Variants in STX8 observed in about 807,000 individuals in gnomAD.
The protein encoded by STX8 is syntaxin 8, also known as syntaxin-8.
In STX8, 23 loss-of-function variants were observed where a neutral mutation model predicts 37.5. The observed-to-expected ratio is 0.61, with a 90% CI of 0.44 to 0.87. The LOEUF (loss-of-function observed/expected upper bound fraction) is 0.87. Among genes scored for constraint, STX8 ranks in the 40% least tolerant of loss-of-function variants. The pLI, the probability that STX8 is intolerant of heterozygous loss-of-function variation, is 0.00. For missense variants in STX8, 313 were observed against 284.7 expected (o/e 1.10, Z -0.71); for synonymous variants, 115 against 99.1 (o/e 1.16, Z -0.95).
chr17:9,535,465 C>T (rs1026170711), intron 4 of STX8, among the ~76,000 whole-genome samples: 7 of 66,940 alleles, frequency 1.0e-4, no homozygotes, highest in Non-Finnish European at 1.4e-4. Context: ...CGGAGTCTTG[C>T]TCTGTCACCC....
intron 7 of STX8, among the ~76,000 whole-genome samples, chr17:9,350,202 G>C (rs1910661313): frequency 6.7e-6 from 1 of 150,362 alleles, no homozygotes; most frequent in South Asian, 2.1e-4. Flanking sequence ...TATACAGCGT[G>C]GATACGCTGG....
intron 7 of STX8, among the ~76,000 whole-genome samples, chr17:9,335,813 T>A (rs7215083): frequency 0.81 from 118,076 of 146,270 alleles, 49,283 homozygotes; most frequent in East Asian, 0.92. Flanking sequence ...TCTCTCTCTC[T>A]CACACACACA....
At chr17:9,399,573 A>G (rs1198403509) in intron 6 of STX8, among the ~76,000 whole-genome samples, 4 of 152,158 alleles carry the variant, frequency 2.6e-5, no homozygotes, top group Non-Finnish European at 4.4e-5. Flanking sequence ...TTTGTTCGAA[A>G]GATGAGATCC....
intron 5 of STX8, among the ~76,000 whole-genome samples, chr17:9,502,436 G>A (rs1362079570): frequency 1.3e-5 from 2 of 152,158 alleles, no homozygotes; most frequent in Admixed American, 6.6e-5. Flanking sequence ...TAGATTTTAA[G>A]TGTTCTCACC....
intron 7 of STX8, among the ~76,000 whole-genome samples, chr17:9,253,204 A>AGGGG (rs770999814): frequency 1.9e-5 from 1 of 53,216 alleles, no homozygotes; most frequent in Non-Finnish European, 5.3e-5. Flanking sequence ...AGGCAGGGGT[A>AGGGG]GGGGTGTGTG....
At chr17:9,418,505 T>C (rs997050658) in intron 6 of STX8, among the ~76,000 whole-genome samples, 2 of 143,318 alleles carry the variant, frequency 1.4e-5, no homozygotes, top group East Asian at 2.1e-4. Flanking sequence ...ACCATGTTCT[T>C]TCCGTTTTTC....
At chr17:9,337,311 ATAGAGG>A (rs1910169992) in intron 7 of STX8, among the ~76,000 whole-genome samples, 1 of 152,012 alleles carries the variant, frequency 6.6e-6, no homozygotes, top group Non-Finnish European at 1.5e-5. Context: ...CCATACTGGG[ATAGAGG>A]ATGAGCCAAG....
chr17:9,286,465 C>T (rs1908075118), intron 7 of STX8, among the ~76,000 whole-genome samples: 1 of 152,094 alleles, frequency 6.6e-6, no homozygotes, highest in Admixed American at 6.6e-5. Flanking sequence ...ACAAACGGTT[C>T]TTTTTCATTT....
At chr17:9,501,004 AAAAAT>A (rs774986859) in intron 5 of STX8, among the ~76,000 whole-genome samples, 7 of 152,128 alleles carry the variant, frequency 4.6e-5, no homozygotes, top group Non-Finnish European at 8.8e-5. Context: ...GACTGTCTCA[AAAAAT>A]AAAATAAAAT....
At chr17:9,429,312 T>C (rs1217401737) in intron 6 of STX8, among the ~76,000 whole-genome samples, 1 of 146,576 alleles carries the variant, frequency 6.8e-6, no homozygotes, top group Admixed American at 6.9e-5. Context: ...ACATTATTTA[T>C]ATATTTTTAT....
At chr17:9,485,415 T>C (rs2142463107) in intron 6 of STX8, among the ~76,000 whole-genome samples, 1 of 152,260 alleles carries the variant, frequency 6.6e-6, no homozygotes, top group South Asian at 2.1e-4. Flanking sequence ...TACACATACC[T>C]ATTCTGCTTC....
rs1002356411 is a variant in STX8, at chr17:9,441,209, C to T, written c.541+50620G>A. On this transcript the variant is annotated intron_variant, in intron 6 of 7. Coordinates refer to ENST00000306357, the MANE Select transcript of STX8 (RefSeq NM_004853.3). Reference sequence around the variant, plus strand: ...GGACCTTTAGAAATTTAGTCAAATACGGCTGGGCACGGTGGCTCACACCTG... The same window carrying T: ...GGACCTTTAGAAATTTAGTCAAATATGGCTGGGCACGGTGGCTCACACCTG... 3.3e-5 allele frequency among the ~76,000 whole-genome samples: 5 copies of T among 151,900 alleles called. No individual in the cohort carries two copies. The South Asian group carries it at 8.3e-4, about 25-fold the overall frequency.
At chr17:9,569,977 C>T (rs927795343) in intron 1 of STX8, 2 of 152,136 alleles carry the variant, frequency 1.3e-5, no homozygotes, top group Admixed American at 6.6e-5. Flanking sequence ...AACGAAAATA[C>T]TTAAGCATGC....
chr17:9,523,737 T>C (rs970994010), intron 4 of STX8, among the ~76,000 whole-genome samples: 3 of 152,198 alleles, frequency 2.0e-5, no homozygotes, highest in Non-Finnish European at 4.4e-5. Context: ...ATTCAACCAA[T>C]TGTGCAAATC....
chr17:9,517,988 G>T (rs1905205353), intron 4 of STX8, among the ~76,000 whole-genome samples: 2 of 152,054 alleles, frequency 1.3e-5, no homozygotes. Context: ...GGGGGGGCTA[G>T]ATTTAGAATT....
chr17:9,435,373 C>A (rs897787188), intron 6 of STX8, among the ~76,000 whole-genome samples: 15 of 152,082 alleles, frequency 9.9e-5, no homozygotes, highest in African/African-American at 1.7e-4. Flanking sequence ...CAGGAGAGGA[C>A]CCCAATAAGA....
intron 6 of STX8, among the ~76,000 whole-genome samples, chr17:9,491,402 A>C (rs1906845781): frequency 2.0e-5 from 3 of 152,108 alleles, no homozygotes; most frequent in Non-Finnish European, 2.9e-5. Flanking sequence ...TTGTCACATC[A>C]AACCCTGAAC....
intron 6 of STX8, among the ~76,000 whole-genome samples, chr17:9,456,732 G>C (rs549932179): frequency 6.6e-6 from 1 of 152,252 alleles, no homozygotes; most frequent in South Asian, 2.1e-4. Context: ...AAGTGCACCT[G>C]CTGAAGTTCT....
chr17:9,364,336 T>C (rs1034081650), intron 7 of STX8, among the ~76,000 whole-genome samples: 7 of 152,206 alleles, frequency 4.6e-5, no homozygotes, highest in African/African-American at 1.4e-4. Flanking sequence ...CACTACTTAG[T>C]ATATATTATC....
Sources: gnomAD v4.1 joint callset for allele counts (sites outside exome capture counted in the v4.1 genomes callset) on GRCh38, gnomAD v4.1.1 for gene constraint, MANE v1.5 for transcripts, NCBI Gene and HGNC (gene_info 2026-07-23, HGNC 2026-07-21) for gene names.